Variants in AGAP1 observed in about 807,000 individuals in gnomAD.
AGAP1 encodes the protein arf-GAP with GTPase, ANK repeat and PH domain-containing protein 1.
In AGAP1, 29 loss-of-function variants were observed where a neutral mutation model predicts 105.3. The observed-to-expected ratio is 0.28, with a 90% CI of 0.21 to 0.38. The LOEUF (loss-of-function observed/expected upper bound fraction) is 0.38, where lower values mean the gene tolerates loss of function less well. Ranked by LOEUF, AGAP1 falls within the 10% of genes least tolerant of loss-of-function variation. The pLI is 1.00. For missense variants in AGAP1, 998 were observed against 1,165.1 expected, an observed-to-expected ratio of 0.86 and a Z score of 2.09; for synonymous variants, 509 against 485.9, an observed-to-expected ratio of 1.05 and a Z score of -0.63.
At chr2:236,039,099 T>C (rs1273799184) in intron 14 of AGAP1, among the ~76,000 whole-genome samples, 1 of 152,184 alleles carries the variant, frequency 6.6e-6, no homozygotes, top group African/African-American at 2.4e-5. Flanking sequence ...AATTGATCAA[T>C]TTTTGCTTTA....
intron 6 of AGAP1, among the ~76,000 whole-genome samples, chr2:235,796,885 A>G (rs1403111701): frequency 2.0e-5 from 3 of 152,362 alleles, no homozygotes; most frequent in East Asian, 3.9e-4. Context: ...CAGTGACACC[A>G]TTGGTGTAGG....
rs1003927543 is a variant in AGAP1, at chr2:236,104,490, C to G, written c.2115-15702C>G. 6.6e-6 allele frequency among the ~76,000 whole-genome samples: 1 copy of G among 152,262 alleles called. No individual in the cohort carries two copies. The highest frequency in any genetic ancestry group is 2.4e-5 in the African/African-American group (1 of 41,480). ...CCCTCACAAAATCCTTGTCCCTTCT[C>G]AGATTCCTTGGGGGCACAGGGCTGT... On this transcript the variant is annotated intron_variant, in intron 16 of 17. Transcript: ENST00000304032. The surrounding 1 kb of genome is among the most constrained non-coding windows in gnomAD (Gnocchi z 4.7).
At chr2:236,115,805 T>TTTTCGTTTTG (rs71400796) in intron 16 of AGAP1, among the ~76,000 whole-genome samples, 1 of 151,428 alleles carries the variant, frequency 6.6e-6, no homozygotes. Context: ...AAAGCTTCTG[T>TTTTCGTTTTG]TTTTGTTTTG....
At chr2:235,581,464 TA>T (rs1161675758) in intron 1 of AGAP1, among the ~76,000 whole-genome samples, 4 of 144,982 alleles carry the variant, frequency 2.8e-5, no homozygotes, top group Admixed American at 1.4e-4. Flanking sequence ...TTTTTTTTTT[TA>T]ATGGATTGAG....
At chr2:235,699,791 A>G (rs148402774) in intron 1 of AGAP1, among the ~76,000 whole-genome samples, 114 of 152,306 alleles carry the variant, frequency 7.5e-4, no homozygotes, top group African/African-American at 2.6e-3. Flanking sequence ...TGCACTCTCT[A>G]CCAAGCTGTC....
rs1946292676 is a variant in AGAP1, at chr2:235,615,935, T to A, written c.164-93244T>A. Among the ~76,000 whole-genome samples the A allele has an allele frequency of 6.6e-6, 1 of 152,124 alleles. No homozygotes were observed. Among genetic ancestry groups the A allele is most frequent in the Non-Finnish European group, 1.5e-5 (1 of 67,998 alleles). On this transcript the variant is annotated intron_variant, in intron 1 of 17. Coordinates refer to ENST00000304032, the MANE Select transcript of AGAP1 (RefSeq NM_001037131.3). The surrounding 1 kb of genome is among the most constrained non-coding windows in gnomAD (Gnocchi z 5.0). ...GCATTGTCTTCTATATGTAAAGAGT[T>A]CTTATAAAACAATAAGAAAAATATT... is the stretch of plus-strand genomic sequence containing the variant.
chr2:235,758,028 C>G (rs752957003), intron 6 of AGAP1, among the ~76,000 whole-genome samples: 5 of 152,142 alleles, frequency 3.3e-5, no homozygotes, highest in Non-Finnish European at 7.3e-5. Context: ...TCCATTCTTT[C>G]CTGAAATCAG....
intron 12 of AGAP1, among the ~76,000 whole-genome samples, chr2:235,944,870 CTA>C (rs2053418992): frequency 6.6e-6 from 1 of 152,164 alleles, no homozygotes; most frequent in Admixed American, 6.5e-5. Flanking sequence ...AATTATCATC[CTA>C]CACCACCTTC....
In AGAP1 at chr2:236,120,112, C is replaced by T; in HGVS notation, c.2115-80C>T. The T allele has an allele frequency of 2.6e-6, 4 of 1,536,488 alleles. No individual in the cohort carries two copies. Among genetic ancestry groups the T allele is most frequent in the Non-Finnish European group, 1.8e-6 (2 of 1,141,816 alleles). ...TTATTTCACTTCCCTCTCGGCTTCTCCCGACCACACTGGGCAGGGGCTGGC... is the reference window on the plus strand; with the variant it reads ...TTATTTCACTTCCCTCTCGGCTTCTTCCGACCACACTGGGCAGGGGCTGGC... On this transcript the variant is annotated intron_variant, in intron 16 of 17. Transcript: ENST00000304032. The surrounding 1 kb of genome is among the most constrained non-coding windows in gnomAD (Gnocchi z 6.0).
rs1423323218 is a variant in AGAP1 at position 235,981,763 on chromosome 2, A to G, written c.1645+13140A>G. On this transcript the variant is annotated intron_variant, in intron 13 of 17. Coordinates refer to ENST00000304032, the MANE Select transcript of AGAP1 (RefSeq NM_001037131.3). The surrounding 1 kb of genome is among the most constrained non-coding windows in gnomAD (Gnocchi z 5.5). ...AAACCGAGGGTCATAAAGTTTAAGT[A>G]ACTTGCTCAAGGCCATAGACGTAGA... Among the ~76,000 whole-genome samples the G allele has an allele frequency of 6.6e-6, 1 of 152,116 alleles. No homozygotes were observed. Among genetic ancestry groups the G allele is most frequent in the African/African-American group, 2.4e-5 (1 of 41,420 alleles).
chr2:236,124,421 T>G lies in AGAP1; in HGVS notation c.*299T>G. On this transcript the variant is annotated 3_prime_UTR_variant, in exon 18 of 18. Transcript: ENST00000304032. The surrounding 1 kb of genome is among the most constrained non-coding windows in gnomAD (Gnocchi z 5.1). ...ATGATAGCACATGGCGCAGGACCCTTGTCCTGGTGGCACAAGGGATGGGGA... is the reference window on the plus strand; with the variant it reads ...ATGATAGCACATGGCGCAGGACCCTGGTCCTGGTGGCACAAGGGATGGGGA... 4 of 417,344 alleles carry G rather than the reference T, an allele frequency of 9.6e-6. No homozygotes were observed. Among genetic ancestry groups the G allele is most frequent in the Non-Finnish European group, 8.8e-6 (2 of 227,124 alleles). 25.9% of individuals were successfully genotyped at this position (417,344 alleles called of 1,614,324 possible).
chr2:235,820,114 G>A (rs536554740), intron 9 of AGAP1, among the ~76,000 whole-genome samples: 3 of 152,028 alleles, frequency 2.0e-5, no homozygotes, highest in Non-Finnish European at 2.9e-5. Context: ...TGTTCAGGCC[G>A]GTCTTCAAGT....
intron 16 of AGAP1, among the ~76,000 whole-genome samples, chr2:236,086,485 C>T (rs1211149698): frequency 6.6e-6 from 1 of 152,102 alleles, no homozygotes; most frequent in Admixed American, 6.5e-5. Flanking sequence ...TTTTTCTATT[C>T]AGAAACTAAA....
intron 3 of AGAP1, among the ~76,000 whole-genome samples, chr2:235,735,210 GTTAA>G (rs1952179622): frequency 6.6e-6 from 1 of 152,220 alleles, no homozygotes; most frequent in African/African-American, 2.4e-5. Context: ...TTGGAGGACT[GTTAA>G]TGATACGTTG....
Position 235,662,854 on chromosome 2 carries a change from G to A in AGAP1, c.164-46325G>A, listed in dbSNP as rs906116067. On this transcript the variant is annotated intron_variant, in intron 1 of 17. Coordinates refer to ENST00000304032, the MANE Select transcript of AGAP1 (RefSeq NM_001037131.3). The surrounding 1 kb of genome is among the most constrained non-coding windows in gnomAD (Gnocchi z 4.2). ...CCTGGCCACTGCTGACTGGTGCATG[G>A]CGAGCAGAGGTTTTATTCCATCTTA... 5.3e-5 allele frequency among the ~76,000 whole-genome samples: 8 copies of A among 152,182 alleles called. No homozygotes were observed. The highest frequency in any genetic ancestry group is 1.0e-4 in the Non-Finnish European group (7 of 68,036).
In AGAP1 at chr2:235,521,149, T is replaced by G. The variant is rs10460276; in HGVS notation, c.163+26300T>G. Among the ~76,000 whole-genome samples, 3 of 152,286 alleles carry G rather than the reference T, an allele frequency of 2.0e-5. No individual in the cohort carries two copies. The East Asian group carries it at 5.8e-4, about 29-fold the overall frequency. On this transcript the variant is annotated intron_variant, in intron 1 of 17. Coordinates refer to ENST00000304032, the MANE Select transcript of AGAP1 (RefSeq NM_001037131.3). ...GCTTCCAACAGTGTGACCACCAGAATGAGTTCAACGTGCTGCAAATTGCTT... is the reference window on the plus strand; with the variant it reads ...GCTTCCAACAGTGTGACCACCAGAAGGAGTTCAACGTGCTGCAAATTGCTT...
In AGAP1 at chr2:236,050,478, T is replaced by C. The variant is rs1332041422; in HGVS notation, c.2114+1197T>C. ...ATAGTGTAGACAGGGGTAAGTTTCT[T>C]ACAAACCGAAGAAATTATGCACTTT... is the stretch of plus-strand genomic sequence containing the variant. On this transcript the variant is annotated intron_variant, in intron 16 of 17. Coordinates refer to ENST00000304032, the MANE Select transcript of AGAP1 (RefSeq NM_001037131.3). This position sits in a 1 kb window ranked among gnomAD's most constrained non-coding sequence, Gnocchi z 4.0. Among the ~76,000 whole-genome samples the C allele has an allele frequency of 6.6e-6, 1 of 152,362 alleles. No individual in the cohort carries two copies. Among genetic ancestry groups the C allele is most frequent in the East Asian group, 1.9e-4 (1 of 5,188 alleles).
chr2:236,110,142 G>T (rs982017472), intron 16 of AGAP1, among the ~76,000 whole-genome samples: 1 of 152,192 alleles, frequency 6.6e-6, no homozygotes, highest in African/African-American at 2.4e-5. Flanking sequence ...CTAAGATGGG[G>T]GTAAGAATAG....
intron 13 of AGAP1, among the ~76,000 whole-genome samples, chr2:235,987,908 A>G (rs998569530): frequency 2.0e-5 from 3 of 152,212 alleles, no homozygotes; most frequent in Non-Finnish European, 4.4e-5. Context: ...TCCTGTAATT[A>G]GGCTCCCTCC....
Sources: gnomAD v4.1 joint callset for allele counts (sites outside exome capture counted in the v4.1 genomes callset) on GRCh38, gnomAD v4.1.1 for gene constraint, Gnocchi (gnomAD v3.1) non-coding constraint, MANE v1.5 for transcripts, NCBI Gene and HGNC (gene_info 2026-07-23, HGNC 2026-07-21) for gene names.